Variants in AP1S3 observed in about 807,000 individuals in gnomAD.
AP1S3 encodes adaptor related protein complex 1 subunit sigma 3, also known as AP-1 complex subunit sigma-3.
In AP1S3, 10 loss-of-function variants were observed where a neutral mutation model predicts 20.9. The ratio of observed to expected loss-of-function variants is 0.48; its 90% confidence interval spans 0.29 to 0.81. The LOEUF is 0.81. Ranked by LOEUF, AP1S3 falls within the 30% of genes least tolerant of loss-of-function variation. The pLI, the probability that AP1S3 is intolerant of heterozygous loss-of-function variation, is 0.08. For missense variants in AP1S3, 154 were observed against 183.8 expected, an observed-to-expected ratio of 0.84 and a Z score of 0.94; for synonymous variants, 41 against 61.5, an observed-to-expected ratio of 0.67 and a Z score of 1.56.
intron 1 of AP1S3, among the ~76,000 whole-genome samples, chr2:223,832,536 C>T (rs1342548600): frequency 6.6e-6 from 1 of 151,966 alleles, no homozygotes; most frequent in Admixed American, 6.6e-5. Context: ...AGCCCTCGAT[C>T]TTACACTAAC....
rs530259542 is a variant in AP1S3 at position 223,835,043 on chromosome 2, A to G, written c.3+2405T>C. On this transcript the variant is annotated intron_variant, in intron 1 of 4. Coordinates refer to ENST00000396654, the MANE Select transcript of AP1S3 (RefSeq NM_001039569.2). The stretch of plus-strand genomic sequence containing the variant: ...ATGAGAATGAAATGGGAAAATTAAT[A>G]TCTTAGTATTATTATGAAAATAGTT... Among the ~76,000 whole-genome samples, 20 of 71,118 alleles carry G rather than the reference A, an allele frequency of 2.8e-4. No individual in the cohort carries two copies. The East Asian group carries it at 4.1e-3, about 14-fold the overall frequency. 46.7% of individuals were successfully genotyped at this position (71,118 alleles called of 152,430 possible).
intron 1 of AP1S3, among the ~76,000 whole-genome samples, chr2:223,799,790 A>G (rs551702626): frequency 1.3e-5 from 2 of 152,226 alleles, no homozygotes; most frequent in African/African-American, 4.8e-5. Context: ...TCTTCTCATG[A>G]ACCTAGGTGA....
intron 1 of AP1S3, among the ~76,000 whole-genome samples, chr2:223,789,564 G>A (rs1691161479): frequency 1.3e-5 from 2 of 151,820 alleles, no homozygotes; most frequent in Non-Finnish European, 2.9e-5. Context: ...GGAGTGCTGG[G>A]TGTGGTGACT....
chr2:223,781,982 C>A (rs1361773804), intron 1 of AP1S3, among the ~76,000 whole-genome samples: 5 of 150,588 alleles, frequency 3.3e-5, no homozygotes, highest in East Asian at 2.0e-4. Context: ...GAATAACTAA[C>A]TTCACTGATT....
rs968664928 is a variant in AP1S3, at chr2:223,755,947, A to G, written c.*2768T>C. ...GTGTAGTATATTTGAATGAGGTTCA[A>G]GAGATACCTTTATCCAAATATGGTG... On this transcript the variant is annotated 3_prime_UTR_variant, in exon 5 of 5. Transcript: ENST00000396654. The G allele has an allele frequency of 2.0e-6, 2 of 985,340 alleles. No individual in the cohort carries two copies. Among genetic ancestry groups the G allele is most frequent in the African/African-American group, 1.7e-5 (1 of 57,260 alleles). The allele number at this position is 985,340 out of a possible 1,614,324, so 61.0% of individuals were successfully genotyped here. A position where few individuals can be genotyped will look rare whatever the true frequency, so the allele number is the denominator to read the frequency against.
At chr2:223,811,863 G>A (rs1023748668) in intron 1 of AP1S3, among the ~76,000 whole-genome samples, 4 of 152,158 alleles carry the variant, frequency 2.6e-5, no homozygotes, top group African/African-American at 9.7e-5. Context: ...AATGGCCATA[G>A]GAAACAATCT....
At chr2:223,797,366 G>A (rs938428914) in intron 1 of AP1S3, among the ~76,000 whole-genome samples, 10 of 152,172 alleles carry the variant, frequency 6.6e-5, no homozygotes, top group South Asian at 2.1e-4. Context: ...AGAAAAACAT[G>A]TCAATCACTG....
intron 1 of AP1S3, among the ~76,000 whole-genome samples, chr2:223,789,850 A>G (rs1691171208): frequency 6.8e-6 from 1 of 146,824 alleles, no homozygotes; most frequent in Non-Finnish European, 1.5e-5. Context: ...AAAAAAAAAA[A>G]GGCAATCAAA....
chr2:223,831,799 G>A (rs987422017), intron 1 of AP1S3, among the ~76,000 whole-genome samples: 19 of 152,156 alleles, frequency 1.2e-4, no homozygotes, highest in African/African-American at 4.6e-4. Context: ...TCTGTTGGCC[G>A]GGCACGGTGG....
Position 223,756,043 on chromosome 2 carries a change from A to G in AP1S3, c.*2672T>C. 2 of 985,440 alleles carry G rather than the reference A, an allele frequency of 2.0e-6. No homozygotes were observed. Among genetic ancestry groups the G allele is most frequent in the Non-Finnish European group, 2.4e-6 (2 of 829,932 alleles). The allele number at this position is 985,440 out of a possible 1,614,324, so 61.0% of individuals were successfully genotyped here. A position where few individuals can be genotyped will look rare whatever the true frequency, so the allele number is the denominator to read the frequency against. On this transcript the variant is annotated 3_prime_UTR_variant, in exon 5 of 5. Coordinates refer to ENST00000396654, the MANE Select transcript of AP1S3 (RefSeq NM_001039569.2). ...GTCCATCTTTACAAAATTGTATTGA[A>G]AAATAAAGAATTTGGCCGGGTGCAG...
chr2:223,762,934 GA>G (rs201153582), intron 4 of AP1S3, among the ~76,000 whole-genome samples: 2,715 of 142,702 alleles, frequency 0.019, 76 homozygotes, highest in East Asian at 0.11. Context: ...CAAAGGACAG[GA>G]AAAAAAAAAA....
chr2:223,807,685 T>C (rs1218091309), intron 1 of AP1S3, among the ~76,000 whole-genome samples: 5 of 151,928 alleles, frequency 3.3e-5, no homozygotes, highest in Non-Finnish European at 7.4e-5. Flanking sequence ...GTGTGGAACC[T>C]CTCCCCTCTT....
At chr2:223,796,952 C>T (rs535244670) in intron 1 of AP1S3, among the ~76,000 whole-genome samples, 1 of 152,310 alleles carries the variant, frequency 6.6e-6, no homozygotes, top group East Asian at 1.9e-4. Flanking sequence ...GCATGAGCCA[C>T]GGCGCCTGGC....
In AP1S3 at chr2:223,765,270, C is replaced by G. The variant is rs745715122; in HGVS notation, c.372G>C (p.Gln124His). Residue 124 changes from glutamine to histidine, a missense_variant, in exon 4 of 5, where the codon CAG becomes CAC. Physicochemically the swap from Gln to His is conservative, Grantham distance 24. Transcript: ENST00000396654. ...LDEFIIGGEI[Q>H]ETSKKIAVKA... ...TGACAGCAATTTTCTTGGATGTTTC[C>G]TGAATTTCCCCACCTATTATAAACT... 1 of 1,613,948 alleles carries G rather than the reference C, an allele frequency of 6.2e-7. No homozygotes were observed. Among genetic ancestry groups the G allele is most frequent in the South Asian group, 1.1e-5 (1 of 91,056 alleles).
At chr2:223,769,906 G>A (rs1214266160) in intron 3 of AP1S3, among the ~76,000 whole-genome samples, 2 of 151,768 alleles carry the variant, frequency 1.3e-5, no homozygotes, top group Admixed American at 6.6e-5. Context: ...TACCTCGCCC[G>A]GCTAATTTTT....
intron 4 of AP1S3, among the ~76,000 whole-genome samples, chr2:223,761,679 A>T (rs1302258755): frequency 6.6e-6 from 1 of 152,184 alleles, no homozygotes; most frequent in Non-Finnish European, 1.5e-5. Flanking sequence ...CTTCCGCATC[A>T]GCCTTCTGAG....
intron 1 of AP1S3, among the ~76,000 whole-genome samples, chr2:223,778,846 G>A (rs539823663): frequency 3.3e-5 from 5 of 151,968 alleles, no homozygotes; most frequent in African/African-American, 9.7e-5. Flanking sequence ...ACACATGCAC[G>A]CCACCATGCT....
At chr2:223,827,342 G>A (rs569590784) in intron 1 of AP1S3, among the ~76,000 whole-genome samples, 109 of 152,212 alleles carry the variant, frequency 7.2e-4, no homozygotes, top group African/African-American at 2.3e-3. Flanking sequence ...TGATATTACT[G>A]TAACCCTTAC....
intron 1 of AP1S3, among the ~76,000 whole-genome samples, chr2:223,805,717 A>C (rs1691563858): frequency 6.6e-6 from 1 of 152,174 alleles, no homozygotes; most frequent in South Asian, 2.1e-4. Flanking sequence ...GCATTTCTTA[A>C]AGGTTGATCC....
Sources: allele counts gnomAD v4.1 joint callset (sites outside exome capture counted in the v4.1 genomes callset), GRCh38; gene constraint gnomAD v4.1.1; transcripts MANE v1.5; gene names NCBI Gene and HGNC (gene_info 2026-07-23, HGNC 2026-07-21).